Variants in STK32B observed in about 807,000 individuals in gnomAD.
The protein encoded by STK32B is serine/threonine-protein kinase 32B.
STK32B carries 43 observed loss-of-function variants against 52.6 expected under a neutral mutation model. The ratio of observed to expected loss-of-function variants is 0.82; its 90% CI spans 0.64 to 1.05. STK32B has a LOEUF of 1.05. STK32B is among the 50% of genes least tolerant of loss of function. The probability of loss-of-function intolerance (pLI) is 0.00; values close to 1 mark genes in which losing one functional copy is unlikely to be tolerated. For synonymous variants in STK32B, 238 were observed against 204.3 expected (o/e 1.17, Z -1.41); for missense variants, 621 against 534.6 (o/e 1.16, Z -1.59).
At chr4:5,451,296 G>A (rs1440895320) in intron 7 of STK32B, among the ~76,000 whole-genome samples, 3 of 152,192 alleles carry the variant, frequency 2.0e-5, no homozygotes, top group African/African-American at 7.2e-5. Context: ...AAGGAATAAT[G>A]TGAGCGCAGG....
intron 6 of STK32B, among the ~76,000 whole-genome samples, chr4:5,440,417 G>A (rs1714613862): frequency 6.6e-6 from 1 of 152,116 alleles, no homozygotes; most frequent in African/African-American, 2.4e-5. Flanking sequence ...TCTGTTGTTG[G>A]TGTGTAAGAA....
At chr4:5,026,019 C>G in the STK32B span, among the ~76,000 whole-genome samples, 15 of 152,346 alleles carry the variant, frequency 9.8e-5, no homozygotes, top group South Asian at 2.7e-3. Flanking sequence ...TCCAGGCCTC[C>G]ACGACTCCCT....
intron 11 of STK32B, among the ~76,000 whole-genome samples, chr4:5,479,732 G>A (rs1216285393): frequency 6.6e-6 from 1 of 152,096 alleles, no homozygotes; most frequent in Non-Finnish European, 1.5e-5. Flanking sequence ...AATGACTTTT[G>A]CTTTTTTCTC....
intron 1 of STK32B, among the ~76,000 whole-genome samples, chr4:5,061,222 C>T (rs1349284079): frequency 6.6e-6 from 1 of 152,082 alleles, no homozygotes; most frequent in Non-Finnish European, 1.5e-5. Context: ...TGAATATCTT[C>T]TTCTGGCCTA....
intron 3 of STK32B, among the ~76,000 whole-genome samples, chr4:5,171,385 G>A (rs1719360071): frequency 6.6e-6 from 1 of 151,806 alleles, no homozygotes; most frequent in African/African-American, 2.4e-5. Flanking sequence ...CCTTGCCCAT[G>A]CCTATGTCCT....
intron 3 of STK32B, among the ~76,000 whole-genome samples, chr4:5,178,416 G>T (rs987452015): frequency 6.6e-6 from 1 of 152,216 alleles, no homozygotes; most frequent in South Asian, 2.1e-4. Context: ...CTCTGGGCCT[G>T]TGATGGGAGG....
intron 3 of STK32B, among the ~76,000 whole-genome samples, chr4:5,171,447 C>T (rs1184199769): frequency 2.6e-5 from 4 of 152,144 alleles, no homozygotes; most frequent in Non-Finnish European, 5.9e-5. Flanking sequence ...TTAGGTCTAA[C>T]ATGTAAGTCT....
chr4:5,490,521 T>A (rs1266629951), intron 11 of STK32B, among the ~76,000 whole-genome samples: 4 of 152,186 alleles, frequency 2.6e-5, no homozygotes, highest in Non-Finnish European at 4.4e-5. Context: ...TCAGGAGGCC[T>A]AAAAGATAAG....
chr4:5,036,952 C>T, the STK32B span, among the ~76,000 whole-genome samples: 3 of 152,094 alleles, frequency 2.0e-5, no homozygotes, highest in Non-Finnish European at 4.4e-5. Context: ...AGGCATGAGA[C>T]ACTGTGCCCG....
At chr4:5,211,358 A>G (rs902889436) in intron 3 of STK32B, among the ~76,000 whole-genome samples, 3 of 152,170 alleles carry the variant, frequency 2.0e-5, no homozygotes, top group African/African-American at 7.2e-5. Context: ...AGAGAGAAAT[A>G]GGGAAAGAGT....
chr4:5,171,538 T>C lies in STK32B; in HGVS notation c.260+3088T>C, dbSNP rs11940590. 1.0e-2 allele frequency among the ~76,000 whole-genome samples: 1,517 copies of C among 152,280 alleles called. 22 individuals are homozygous for C. The highest frequency in any genetic ancestry group is 0.034 in the African/African-American group (1,406 of 41,538). On this transcript the variant is annotated intron_variant, in intron 3 of 11. Coordinates refer to ENST00000282908, the MANE Select transcript of STK32B (RefSeq NM_018401.3). ...GCTTTCTCCATATGGCTAGCCAGTT[T>C]TCCCAGCACCATTTATTAAGTAGGG...
intron 3 of STK32B, among the ~76,000 whole-genome samples, chr4:5,252,119 G>A (rs1725976555): frequency 6.6e-6 from 1 of 152,186 alleles, no homozygotes; most frequent in Admixed American, 6.5e-5. Context: ...CAGTTGAGGA[G>A]CTCCTAGGAA....
intron 3 of STK32B, among the ~76,000 whole-genome samples, chr4:5,317,398 A>C (rs1731138787): frequency 1.2e-5 from 1 of 80,412 alleles, no homozygotes; most frequent in Admixed American, 1.7e-4. Flanking sequence ...TATATAATAT[A>C]TATAATGTAT....
At chr4:5,426,907 G>A (rs1220642299) in intron 6 of STK32B, 2 of 151,986 alleles carry the variant, frequency 1.3e-5, no homozygotes, top group African/African-American at 2.4e-5. Context: ...GTGAAGCAGT[G>A]GGACTGCTAA....
At chr4:5,315,215 G>C (rs966032682) in intron 3 of STK32B, among the ~76,000 whole-genome samples, 1 of 151,990 alleles carries the variant, frequency 6.6e-6, no homozygotes, top group African/African-American at 2.4e-5. Context: ...ACATGAAAAA[G>C]TGTTCATCTT....
intron 1 of STK32B, among the ~76,000 whole-genome samples, chr4:5,096,672 C>G (rs575919879): frequency 6.6e-6 from 1 of 152,284 alleles, no homozygotes; most frequent in African/African-American, 2.4e-5. Context: ...ACGGCACCTG[C>G]TGGGGCCAGT....
At chr4:5,085,519 T>A (rs976344929) in intron 1 of STK32B, among the ~76,000 whole-genome samples, 8 of 152,222 alleles carry the variant, frequency 5.3e-5, no homozygotes, top group Non-Finnish European at 8.8e-5. Flanking sequence ...ATTGGAAGCA[T>A]GGCTCCGGAT....
intron 1 of STK32B, among the ~76,000 whole-genome samples, chr4:5,078,654 G>C (rs1487882383): frequency 6.6e-6 from 1 of 152,166 alleles, no homozygotes; most frequent in Non-Finnish European, 1.5e-5. Context: ...CTCCTTGTTG[G>C]ATTCAGAGAG....
intron 1 of STK32B, among the ~76,000 whole-genome samples, chr4:5,122,071 CAT>C (rs1309835188): frequency 1.3e-5 from 2 of 152,042 alleles, no homozygotes; most frequent in African/African-American, 2.4e-5. Context: ...CACTAATTCA[CAT>C]ACTCATTCTC....
Sources: gnomAD v4.1 joint callset for allele counts (sites outside exome capture counted in the v4.1 genomes callset) on GRCh38, gnomAD v4.1.1 for gene constraint, MANE v1.5 for transcripts, NCBI Gene and HGNC (gene_info 2026-07-23, HGNC 2026-07-21) for gene names.